Variants in SFXN4 observed in about 807,000 individuals in gnomAD.
The protein encoded by SFXN4 is sideroflexin 4, also known as sideroflexin-4.
In SFXN4, 48 loss-of-function variants were observed where a neutral mutation model predicts 54.6. That is an observed-to-expected ratio of 0.88 (90% CI 0.70 to 1.12). The LOEUF (loss-of-function observed/expected upper bound fraction) is 1.12, where lower values mean the gene tolerates loss of function less well. Ranked by LOEUF, SFXN4 falls within the 50% of genes most tolerant of loss-of-function variation. SFXN4 has a pLI of 0.00. For missense variants in SFXN4, 383 were observed against 409.2 expected (o/e 0.94, Z 0.55); for synonymous variants, 130 against 145.5 (o/e 0.89, Z 0.77).
Position 119,164,145 on chromosome 10 carries a change from C to G in SFXN4, c.163G>C (p.Val55Leu). 6.3e-7 allele frequency: 1 copy of G among 1,582,140 alleles called. No homozygotes were observed. Among genetic ancestry groups the G allele is most frequent in the Non-Finnish European group, 8.6e-7 (1 of 1,161,712 alleles). The change falls in exon 2 of 14, where the codon GTG becomes CTG. Residue 55 changes from valine (V) to leucine (L), a missense_variant. Val to Leu is a conservative substitution (Grantham distance 32, BLOSUM62 1). Transcript: ENST00000355697. ...QWTELLDPTN[V>L]FISVESIENS... The stretch of plus-strand genomic sequence containing the variant: ...ACAATACTTACAACTGAAATGAACA[C>G]ATTTGTAGGATCTAATAATTCTGTC...
intron 11 of SFXN4, among the ~76,000 whole-genome samples, chr10:119,151,110 C>T (rs765771467): frequency 2.6e-5 from 4 of 152,206 alleles, no homozygotes; most frequent in Non-Finnish European, 4.4e-5. Flanking sequence ...GGGCTCACGC[C>T]TGTAATCCCA....
Position 119,141,280 on chromosome 10 carries a change from T to C in SFXN4, c.976A>G (p.Thr326Ala). The C allele has an allele frequency of 6.2e-7, 1 of 1,612,028 alleles. No homozygotes were observed. Among genetic ancestry groups the C allele is most frequent in the Non-Finnish European group, 8.5e-7 (1 of 1,178,206 alleles). The change falls in exon 14 of 14, where the codon ACA becomes GCA. Residue 326 changes from threonine to alanine, a missense_variant. Coordinates refer to ENST00000355697, the MANE Select transcript of SFXN4 (RefSeq NM_213649.2). ...TGATAAAAGATTTCTGTTTCTTCTG[T>C]TGGAGACTGAATTTTCTCTTCAAGA... ...CSLEEKIQSP[T>A]EETEIFYHRG...
At chr10:119,159,433 C>T (rs1365954796) in intron 6 of SFXN4, among the ~76,000 whole-genome samples, 3 of 152,178 alleles carry the variant, frequency 2.0e-5, no homozygotes, top group Non-Finnish European at 2.9e-5. Flanking sequence ...TCCTAACTCA[C>T]TGGCCGCTTC....
chr10:119,161,796 T>C (rs570233847), intron 3 of SFXN4, among the ~76,000 whole-genome samples: 1 of 152,206 alleles, frequency 6.6e-6, no homozygotes, highest in Non-Finnish European at 1.5e-5. Flanking sequence ...GTCAAGTTAC[T>C]TGCAACAGAG....
chr10:119,148,251 C>T (rs1466357959), intron 11 of SFXN4, among the ~76,000 whole-genome samples: 5 of 152,078 alleles, frequency 3.3e-5, no homozygotes, highest in African/African-American at 2.4e-5. Flanking sequence ...CAGTAACCCA[C>T]CCTTCTCACT....
intron 11 of SFXN4, among the ~76,000 whole-genome samples, chr10:119,150,882 C>T (rs1238671007): frequency 7.2e-5 from 11 of 152,122 alleles, no homozygotes. Flanking sequence ...CAAACGTCCA[C>T]CGCCGGCAGA....
chr10:119,165,526 C>T lies in SFXN4; in HGVS notation c.111+11G>A, dbSNP rs778323459. 6.4e-6 allele frequency: 10 copies of T among 1,574,598 alleles called. No individual in the cohort carries two copies. The highest frequency in any genetic ancestry group is 1.4e-5 in the African/African-American group (1 of 71,318). ...CTCCCTGCCCCTAGTCGCGCCGGGC[C>T]CGGGCCGTACTTGGCGCTCGGTGAT... On this transcript the variant is annotated intron_variant, in intron 1 of 13. Coordinates refer to ENST00000355697, the MANE Select transcript of SFXN4 (RefSeq NM_213649.2).
chr10:119,165,581 C>A lies in SFXN4; in HGVS notation c.67G>T (p.Ala23Ser). The change falls in exon 1 of 14, where the codon GCC becomes TCC. Residue 23 changes from alanine (A) to serine (S), a missense_variant. Coordinates refer to ENST00000355697, the MANE Select transcript of SFXN4 (RefSeq NM_213649.2). ...RLLGRRDAVP[A>S]FIEPNVRFWI... is the part of the protein sequence containing the mutation. Reference sequence around the variant, plus strand: ...AAGCGCACGTTGGGCTCAATGAAGGCGGGGACGGCGTCTCTGCGTCCTAGG... The same window carrying A: ...AAGCGCACGTTGGGCTCAATGAAGGAGGGGACGGCGTCTCTGCGTCCTAGG... 1 of 1,593,156 alleles carries A rather than the reference C, an allele frequency of 6.3e-7. No individual in the cohort carries two copies. Among genetic ancestry groups the A allele is most frequent in the African/African-American group, 1.4e-5 (1 of 72,290 alleles).
chr10:119,161,149 G>T (rs953185150), intron 3 of SFXN4, 68 bp from the exon 4 acceptor site: 19 of 1,526,158 alleles, frequency 1.2e-5, no homozygotes, highest in Admixed American at 1.7e-5. Context: ...GTCTTGCTCT[G>T]TCACCCAGGG....
chr10:119,149,285 C>T (rs1846951183), intron 11 of SFXN4, among the ~76,000 whole-genome samples: 1 of 152,156 alleles, frequency 6.6e-6, no homozygotes, highest in South Asian at 2.1e-4. Context: ...TTCCAGCTTC[C>T]CATGATTGGC....
chr10:119,144,452 G>A (rs111638303), intron 13 of SFXN4, among the ~76,000 whole-genome samples: 6 of 150,758 alleles, frequency 4.0e-5, no homozygotes, highest in South Asian at 2.1e-4. Flanking sequence ...ACGAGACTCC[G>A]TCTCAAAAAA....
chr10:119,150,795 AAC>A (rs1847035691), intron 11 of SFXN4, among the ~76,000 whole-genome samples: 1 of 152,220 alleles, frequency 6.6e-6, no homozygotes. Flanking sequence ...GAGAAATACA[AAC>A]ACACATATGC....
intron 11 of SFXN4, among the ~76,000 whole-genome samples, chr10:119,153,932 C>T (rs189542130): frequency 2.0e-4 from 30 of 152,234 alleles, no homozygotes; most frequent in African/African-American, 6.3e-4. Flanking sequence ...AATCCCCGTA[C>T]GTTGGGAGGC....
At chr10:119,163,988 C>T in intron 2 of SFXN4, 143 bp downstream of exon 2, 1 of 590,504 alleles carries the variant, frequency 1.7e-6, no homozygotes, top group Non-Finnish European at 2.9e-6. Context: ...TCTTGTGAGC[C>T]GAGATGGTGC....
At chr10:119,164,562 G>C (rs556872749) in intron 1 of SFXN4, among the ~76,000 whole-genome samples, 1 of 152,218 alleles carries the variant, frequency 6.6e-6, no homozygotes, top group East Asian at 1.9e-4. Context: ...AATATCTCAA[G>C]AGTCTGTGGC....
rs555040408 is a variant in SFXN4, at chr10:119,161,966, C to G, written c.252+374G>C. Reference sequence around the variant, plus strand: ...GTCCGTTTGAGCCTATCGGCAGGAACGCTGCCTGCAGTGGAGAATGAATTC... The same window carrying G: ...GTCCGTTTGAGCCTATCGGCAGGAAGGCTGCCTGCAGTGGAGAATGAATTC... On this transcript the variant is annotated intron_variant, in intron 3 of 13. Coordinates refer to ENST00000355697, the MANE Select transcript of SFXN4 (RefSeq NM_213649.2). Among the ~76,000 whole-genome samples the G allele has an allele frequency of 2.3e-3, 352 of 152,286 alleles. 1 individual carries two copies. The highest frequency in any genetic ancestry group is 8.0e-3 in the African/African-American group (333 of 41,554).
chr10:119,159,439 G>A (rs764325163), intron 6 of SFXN4, among the ~76,000 whole-genome samples: 4 of 152,172 alleles, frequency 2.6e-5, no homozygotes, highest in East Asian at 1.9e-4. Context: ...CTCACTGGCC[G>A]CTTCTACCGT....
chr10:119,144,702 C>G (rs1846714777), intron 13 of SFXN4, among the ~76,000 whole-genome samples: 1 of 152,150 alleles, frequency 6.6e-6, no homozygotes, highest in Non-Finnish European at 1.5e-5. Flanking sequence ...GTCCAAGCAG[C>G]CTGACTCATC....
intron 11 of SFXN4, among the ~76,000 whole-genome samples, chr10:119,150,274 G>A (rs972562849): frequency 2.6e-5 from 4 of 152,032 alleles, no homozygotes; most frequent in Admixed American, 6.6e-5. Context: ...CTACCTTTCC[G>A]CTGGAGGCTG....
Sources: allele counts gnomAD v4.1 joint callset (sites outside exome capture counted in the v4.1 genomes callset), GRCh38; gene constraint gnomAD v4.1.1; transcripts MANE v1.5; gene names NCBI Gene and HGNC (gene_info 2026-07-23, HGNC 2026-07-21).